Variants in GRIK4 observed in about 807,000 individuals in gnomAD.
GRIK4 encodes glutamate receptor ionotropic, kainate 4.
A neutral mutation model predicts 104.9 loss-of-function variants in GRIK4; 40 were observed. The observed-to-expected ratio is 0.38, with a 90% CI of 0.30 to 0.50. GRIK4 has a LOEUF of 0.50. Among genes scored for constraint, GRIK4 ranks in the 20% least tolerant of loss-of-function variants. The probability of loss-of-function intolerance (pLI) is 0.93; values close to 1 mark genes in which losing one functional copy is unlikely to be tolerated. For missense variants in GRIK4, 1,047 were observed against 1,308.1 expected (o/e 0.80, Z 3.08); for synonymous variants, 485 against 524.9 (o/e 0.92, Z 1.04).
intron 6 of GRIK4, among the ~76,000 whole-genome samples, chr11:120,831,318 G>T (rs193287726): frequency 1.3e-5 from 2 of 152,208 alleles, no homozygotes; most frequent in African/African-American, 4.8e-5. Context: ...AGGGTTTAAT[G>T]TGTCCGAGGC....
chr11:120,887,419 A>C (rs994546582), intron 11 of GRIK4, among the ~76,000 whole-genome samples: 3 of 152,298 alleles, frequency 2.0e-5, no homozygotes, highest in African/African-American at 7.2e-5. Context: ...GCCCCAAGCC[A>C]CTCTGCAAAT....
chr11:120,907,662 C>T (rs114484506), intron 13 of GRIK4, among the ~76,000 whole-genome samples: 2,108 of 152,196 alleles, frequency 0.014, 55 homozygotes, highest in African/African-American at 0.049. Context: ...AATGAATGAT[C>T]GCATTCTTGT....
At chr11:120,963,808 A>C (rs1944334282) in intron 18 of GRIK4, among the ~76,000 whole-genome samples, 1 of 151,942 alleles carries the variant, frequency 6.6e-6, no homozygotes, top group Non-Finnish European at 1.5e-5. Flanking sequence ...CTTTAGCCTC[A>C]GTTATCTAAT....
rs1942839894 is a variant in GRIK4 at position 120,905,228 on chromosome 11, A to G, written c.1273-62A>G. ...ACCCTCTGTGCCCCTGGCCCTCCCC[A>G]TCACACGCGGGTGAGACACCAGGGC... is the stretch of plus-strand genomic sequence containing the variant. On this transcript the variant is annotated intron_variant, in intron 12 of 20. Coordinates refer to ENST00000527524, the MANE Select transcript of GRIK4 (RefSeq NM_014619.5). This position sits in a 1 kb window ranked among gnomAD's most constrained non-coding sequence, Gnocchi z 5.1. 3.2e-6 allele frequency: 4 copies of G among 1,254,830 alleles called. No homozygotes were observed. The highest frequency in any genetic ancestry group is 2.4e-5 in the South Asian group (2 of 83,914). 77.7% of individuals were successfully genotyped at this position (1,254,830 alleles called of 1,614,324 possible).
chr11:120,747,413 G>T (rs1951463246), intron 3 of GRIK4, among the ~76,000 whole-genome samples: 1 of 152,186 alleles, frequency 6.6e-6, no homozygotes, highest in Admixed American at 6.5e-5. Flanking sequence ...TAGGGTGTGT[G>T]ACAAACCGAG....
chr11:120,681,873 A>G (rs1054007774), intron 3 of GRIK4, among the ~76,000 whole-genome samples: 1 of 152,240 alleles, frequency 6.6e-6, no homozygotes, highest in Non-Finnish European at 1.5e-5. Context: ...GGGCCATCTC[A>G]GAAGTGCTCC....
At chr11:120,811,193 C>T (rs1255527930) in intron 4 of GRIK4, among the ~76,000 whole-genome samples, 2 of 152,060 alleles carry the variant, frequency 1.3e-5, no homozygotes, top group Admixed American at 6.6e-5. Context: ...CAGAGTCACT[C>T]GAATTTTACT....
At chr11:120,564,581 TGC>T (rs1254922759) in intron 1 of GRIK4, 1 of 152,250 alleles carries the variant, frequency 6.6e-6, no homozygotes, top group Non-Finnish European at 1.5e-5. Flanking sequence ...CTCCCTGGGG[TGC>T]CGTAGCCCCC....
At chr11:120,778,225 C>T (rs1420867522) in intron 3 of GRIK4, among the ~76,000 whole-genome samples, 4 of 152,222 alleles carry the variant, frequency 2.6e-5, no homozygotes, top group Non-Finnish European at 5.9e-5. Flanking sequence ...CACTGCTTAG[C>T]ATGGTAGAGG....
At chr11:120,682,307 A>G (rs1237829678) in intron 3 of GRIK4, among the ~76,000 whole-genome samples, 2 of 152,230 alleles carry the variant, frequency 1.3e-5, no homozygotes, top group African/African-American at 2.4e-5. Context: ...GGCAGAAGGC[A>G]AGATGGTGGC....
At chr11:120,943,132 ACACACACACACACACACACCCC>A (rs1294144763) in intron 14 of GRIK4, among the ~76,000 whole-genome samples, 7 of 120,434 alleles carry the variant, frequency 5.8e-5, no homozygotes, top group African/African-American at 2.3e-4. Flanking sequence ...ACACACACAC[ACACACACACACACACACACCCC>A]CCTGACTGTT....
chr11:120,591,901 C>T (rs1948738883), intron 1 of GRIK4, among the ~76,000 whole-genome samples: 1 of 152,188 alleles, frequency 6.6e-6, no homozygotes, highest in Non-Finnish European at 1.5e-5. Context: ...GTTATTCCCA[C>T]CAGCTGAATC....
chr11:120,672,586 GTGTCCTCTCTTA>G (rs1419686077), intron 3 of GRIK4, among the ~76,000 whole-genome samples: 1 of 152,122 alleles, frequency 6.6e-6, no homozygotes, highest in Non-Finnish European at 1.5e-5. Flanking sequence ...TTTTCCGTTT[GTGTCCTCTCTTA>G]TTTCCTTGAG....
intron 3 of GRIK4, among the ~76,000 whole-genome samples, chr11:120,727,347 TG>T (rs1279631161): frequency 6.6e-6 from 1 of 152,020 alleles, no homozygotes; most frequent in Non-Finnish European, 1.5e-5. Context: ...AGATAAAAGT[TG>T]GGGAGGGGAA....
intron 20 of GRIK4, among the ~76,000 whole-genome samples, chr11:120,984,820 C>CTTTTT (rs569201252): frequency 8.6e-6 from 1 of 115,808 alleles, no homozygotes; most frequent in Non-Finnish European, 1.8e-5. Flanking sequence ...CATCTATATT[C>CTTTTT]TTTTTTTTTT....
At chr11:120,783,183 C>G (rs143228618) in intron 3 of GRIK4, among the ~76,000 whole-genome samples, 5 of 152,196 alleles carry the variant, frequency 3.3e-5, no homozygotes, top group Non-Finnish European at 2.9e-5. Flanking sequence ...ATTTCCAAGT[C>G]GGCAGAATAG....
intron 1 of GRIK4, among the ~76,000 whole-genome samples, chr11:120,606,160 GAT>G (rs1948958649): frequency 6.6e-6 from 1 of 152,178 alleles, no homozygotes. Flanking sequence ...ATCGCATTTT[GAT>G]ATGTTTTGAC....
rs1953063161 is a variant in GRIK4 at position 120,819,847 on chromosome 11, C to T, written c.438C>T (p.Ile146=). The T allele has an allele frequency of 6.2e-7, 1 of 1,613,966 alleles. No homozygotes were observed. The highest frequency in any genetic ancestry group is 8.5e-7 in the Non-Finnish European group (1 of 1,179,926). ...TLNLHPSNTD[I]SVAVAGILNF... ...ACCTCCACCCCAGCAACACTGACAT[C>T]AGCGTGGCTGTAGCTGGGATCCTGA... The change falls in exon 6 of 21, where the codon ATC becomes ATT. Residue 146 remains isoleucine (I), a synonymous_variant. Transcript: ENST00000527524. This position sits in a 1 kb window ranked among gnomAD's most constrained non-coding sequence, Gnocchi z 4.3.
chr11:120,658,169 A>T (rs1441366238), intron 2 of GRIK4, among the ~76,000 whole-genome samples: 1 of 149,646 alleles, frequency 6.7e-6, no homozygotes, highest in Non-Finnish European at 1.5e-5. Context: ...TTTTTTTGCT[A>T]AATCTTATAT....
Sources: gnomAD v4.1 joint callset for allele counts (sites outside exome capture counted in the v4.1 genomes callset) on GRCh38, gnomAD v4.1.1 for gene constraint, Gnocchi (gnomAD v3.1) non-coding constraint, MANE v1.5 for transcripts, NCBI Gene and HGNC (gene_info 2026-07-23, HGNC 2026-07-21) for gene names.